The following SMARCAL1 variants were observed in gnomAD, a reference collection of about 807,000 sequenced individuals.
SMARCAL1 encodes the protein SNF2 related chromatin remodeling annealing helicase 1.
A neutral mutation model predicts 94.5 loss-of-function variants in SMARCAL1; 58 were observed. The ratio of observed to expected loss-of-function variants is 0.61; its 90% CI spans 0.50 to 0.76. The LOEUF (loss-of-function observed/expected upper bound fraction) is 0.76, where lower values mean the gene tolerates loss of function less well. Among genes scored for constraint, SMARCAL1 ranks in the 30% least tolerant of loss-of-function variants. The probability of loss-of-function intolerance (pLI) is 0.00; values close to 1 mark genes in which losing one functional copy is unlikely to be tolerated. For synonymous variants in SMARCAL1, 422 were observed against 455.1 expected (o/e 0.93, Z 0.93); for missense variants, 1,051 against 1,177.9 (o/e 0.89, Z 1.58).
intron 12 of SMARCAL1, among the ~76,000 whole-genome samples, chr2:216,452,420 T>A (rs1046061173): frequency 6.6e-6 from 1 of 152,208 alleles, no homozygotes. Context: ...ATAGCAAATA[T>A]AATATTAATG....
intron 16 of SMARCAL1, 38 bp downstream of exon 16, chr2:216,477,247 G>C: frequency 7.1e-6 from 10 of 1,412,658 alleles, no homozygotes; most frequent in Non-Finnish European, 8.9e-6. Context: ...TTGGAGTCGA[G>C]CAAGGGTGGA....
chr2:216,434,606 C>T (rs1172741092), intron 8 of SMARCAL1, among the ~76,000 whole-genome samples: 9 of 151,552 alleles, frequency 5.9e-5, no homozygotes, highest in Admixed American at 2.0e-4. Context: ...GAAGCTGTGG[C>T]AGGAGGATTG....
At chr2:216,414,509 T>A (rs1311986758) in intron 2 of SMARCAL1, 138 bp from the exon 3 acceptor site, 1 of 606,872 alleles carries the variant, frequency 1.6e-6, no homozygotes, top group Non-Finnish European at 2.9e-6. Flanking sequence ...GTGTGTGCAA[T>A]TATAAAAGAA....
chr2:216,447,570 G>T (rs2106050983), intron 11 of SMARCAL1, among the ~76,000 whole-genome samples: 1 of 152,202 alleles, frequency 6.6e-6, no homozygotes, highest in East Asian at 1.9e-4. Context: ...TAGGAGTGAG[G>T]CTGAGGCCCC....
rs1319279010 is a variant in SMARCAL1 at position 216,416,285 on chromosome 2, C to T, written c.840C>T (p.Ser280=). ...CTGACACCAAGACGTGGAACTTCAG[C>T]ATGAATGACTATAGTGCCCTGAGTA... ...YDPDTKTWNF[S]MNDYSALMKA... The change falls in exon 4 of 18, where the codon AGC becomes AGT. Residue 280 remains serine (S), a synonymous_variant. Coordinates refer to ENST00000357276, the MANE Select transcript of SMARCAL1 (RefSeq NM_014140.4). 1 of 1,613,724 alleles carries T rather than the reference C, an allele frequency of 6.2e-7. No individual in the cohort carries two copies. The highest frequency in any genetic ancestry group is 8.5e-7 in the Non-Finnish European group (1 of 1,179,698).
At chr2:216,473,916 G>A (rs1381465364) in intron 14 of SMARCAL1, among the ~76,000 whole-genome samples, 3 of 152,040 alleles carry the variant, frequency 2.0e-5, no homozygotes, top group Non-Finnish European at 2.9e-5. Flanking sequence ...TTTATTTGTA[G>A]TAGCCCCAAA....
rs71579835 is a variant in SMARCAL1 at position 216,482,705 on chromosome 2, C to T, written c.2626-33C>T. 0.043 allele frequency: 69,554 copies of T among 1,613,902 alleles called. 1,708 individuals are homozygous for T. Among genetic ancestry groups the T allele is most frequent in the Non-Finnish European group, 0.048 (57,217 of 1,179,830 alleles). On this transcript the variant is annotated intron_variant, in intron 17 of 17. Transcript: ENST00000357276. The surrounding 1 kb of genome is among the most constrained non-coding windows in gnomAD (Gnocchi z 4.3). Reference sequence around the variant, plus strand: ...AGTCAGTGTTGGAGCCTGGGCTCTTCCTTTTATCTTTTGTTTTCTTTCTCT... The same window carrying T: ...AGTCAGTGTTGGAGCCTGGGCTCTTTCTTTTATCTTTTGTTTTCTTTCTCT...
At chr2:216,471,731 T>C (rs1269284620) in intron 14 of SMARCAL1, among the ~76,000 whole-genome samples, 1 of 152,198 alleles carries the variant, frequency 6.6e-6, no homozygotes, top group Non-Finnish European at 1.5e-5. Flanking sequence ...GTGCACTCAA[T>C]TTTTCAAATT....
At chr2:216,447,755 A>G (rs1694351942) in intron 11 of SMARCAL1, among the ~76,000 whole-genome samples, 1 of 152,234 alleles carries the variant, frequency 6.6e-6, no homozygotes, top group African/African-American at 2.4e-5. Context: ...TGCAGTGCCA[A>G]TGGCGCAGGC....
Position 216,432,885 on chromosome 2 carries a change from T to C in SMARCAL1, c.1485+17T>C. On this transcript the variant is annotated intron_variant, in intron 8 of 17. Transcript: ENST00000357276. ...TGGGAGCAGGTTAATGGTCTTCAAA[T>C]TGCAGTTTTCACAGAGAAGGTTTTC... 1 of 1,614,178 alleles carries C rather than the reference T, an allele frequency of 6.2e-7. No individual in the cohort carries two copies. The highest frequency in any genetic ancestry group is 8.5e-7 in the Non-Finnish European group (1 of 1,180,012).
At chr2:216,468,181 T>C in intron 14 of SMARCAL1, 135 bp downstream of exon 14, 1 of 693,234 alleles carries the variant, frequency 1.4e-6, no homozygotes, top group Non-Finnish European at 2.6e-6. Flanking sequence ...TGAAGAAGAG[T>C]TCTTGCTTGT....
Position 216,416,319 on chromosome 2 carries a change from C to T in SMARCAL1, c.862+12C>T. 6.2e-7 allele frequency: 1 copy of T among 1,607,940 alleles called. No homozygotes were observed. The highest frequency in any genetic ancestry group is 8.5e-7 in the Non-Finnish European group (1 of 1,174,580). The stretch of plus-strand genomic sequence containing the variant: ...CTATAGTGCCCTGAGTAAGTAGACA[C>T]ATGGTTGTCTCATGGAGGGTGGCAC... On this transcript the variant is annotated intron_variant, in intron 4 of 17. Transcript: ENST00000357276.
At chr2:216,455,676 C>T (rs1156656495) in intron 12 of SMARCAL1, among the ~76,000 whole-genome samples, 1 of 152,146 alleles carries the variant, frequency 6.6e-6, no homozygotes, top group Non-Finnish European at 1.5e-5. Context: ...ACAGAAAGGA[C>T]GTGCACACCA....
chr2:216,432,290 G>A (rs772000229), intron 7 of SMARCAL1, among the ~76,000 whole-genome samples: 7 of 152,022 alleles, frequency 4.6e-5, no homozygotes, highest in Non-Finnish European at 1.0e-4. Context: ...CACCGCGCCC[G>A]ACCCTTTCCT....
In SMARCAL1 at chr2:216,432,701, A is replaced by G; in HGVS notation, c.1335-17A>G. ...ATGCCCCGGGAAATGTGCCATCCTC[A>G]CCTTGTCTGCCTTCAGTTTTGCCAT... On this transcript the variant is annotated splice_polypyrimidine_tract_variant and intron_variant, in intron 7 of 17. Transcript: ENST00000357276. 1 of 1,613,442 alleles carries G rather than the reference A, an allele frequency of 6.2e-7. No homozygotes were observed. The highest frequency in any genetic ancestry group is 1.3e-5 in the African/African-American group (1 of 74,776).
intron 10 of SMARCAL1, among the ~76,000 whole-genome samples, chr2:216,441,506 G>A (rs1694195530): frequency 6.6e-6 from 1 of 152,166 alleles, no homozygotes; most frequent in South Asian, 2.1e-4. Context: ...CAATTATTGA[G>A]CAAGATCATC....
At chr2:216,430,320 A>G (rs1043625653) in intron 7 of SMARCAL1, among the ~76,000 whole-genome samples, 6 of 152,234 alleles carry the variant, frequency 3.9e-5, no homozygotes, top group Non-Finnish European at 5.9e-5. Context: ...AAGAACTACA[A>G]TTGAACACAC....
chr2:216,459,003 A>G (rs1694636284), intron 12 of SMARCAL1, among the ~76,000 whole-genome samples: 1 of 152,186 alleles, frequency 6.6e-6, no homozygotes, highest in Admixed American at 6.5e-5. Flanking sequence ...TACAAAATCA[A>G]TGTGCAAAAA....
chr2:216,478,117 A>G (rs924020598), intron 16 of SMARCAL1, 86 bp from the exon 17 acceptor site: 8 of 1,055,848 alleles, frequency 7.6e-6, no homozygotes, highest in African/African-American at 1.6e-5. Flanking sequence ...CCGTTGTCCC[A>G]TAAGAACAAG....
Sources: allele counts gnomAD v4.1 joint callset (sites outside exome capture counted in the v4.1 genomes callset), GRCh38; gene constraint gnomAD v4.1.1; non-coding constraint Gnocchi (gnomAD v3.1); transcripts MANE v1.5; gene names NCBI Gene and HGNC (gene_info 2026-07-23, HGNC 2026-07-21).